MASP1: variants seen among roughly 807,000 people sequenced by gnomAD.
The protein encoded by MASP1 is MBL associated serine protease 1.
A neutral mutation model predicts 77.1 loss-of-function variants in MASP1; 59 were observed. The observed-to-expected ratio is 0.77, with a 90% CI of 0.62 to 0.95. MASP1 has a LOEUF of 0.95. Ranked by LOEUF, MASP1 falls within the 40% of genes least tolerant of loss-of-function variation. The pLI is 0.00. For synonymous variants in MASP1, 362 were observed against 354.5 expected (o/e 1.02, Z -0.24); for missense variants, 885 against 912.9 (o/e 0.97, Z 0.39).
At chr3:187,270,342 T>C (rs886376999) in intron 2 of MASP1, among the ~76,000 whole-genome samples, 2 of 152,192 alleles carry the variant, frequency 1.3e-5, no homozygotes, top group African/African-American at 4.8e-5. Flanking sequence ...GCCCCATCCC[T>C]GAAATCTTTT....
At chr3:187,272,336 C>T (rs1490993129) in intron 2 of MASP1, among the ~76,000 whole-genome samples, 1 of 152,086 alleles carries the variant, frequency 6.6e-6, no homozygotes, top group Non-Finnish European at 1.5e-5. Context: ...CTTATTGGGG[C>T]ATCTCATTTT....
chr3:187,232,638 G>A (rs541925059), downstream of MASP1, among the ~76,000 whole-genome samples: 4 of 152,248 alleles, frequency 2.6e-5, no homozygotes, highest in South Asian at 8.3e-4. Context: ...AAATCCCTAG[G>A]AGAAGGAGAG....
downstream of MASP1, chr3:187,234,040 G>A (rs72549172): frequency 3.1e-5 from 37 of 1,183,574 alleles, no homozygotes; most frequent in East Asian, 5.8e-4. Flanking sequence ...TAAAACAAAT[G>A]AACACACTTC....
At chr3:187,242,710 C>G (rs1713757048) in intron 9 of MASP1, 1 of 153,740 alleles carries the variant, frequency 6.5e-6, no homozygotes, top group Admixed American at 6.5e-5. Context: ...TGTCTCTAAG[C>G]ATTTCTCCTC....
At position 187,251,741 on chromosome 3, in the gene MASP1, G is replaced by A. The variant is rs147568338; in HGVS notation, c.904C>T (p.Pro302Ser). 96 of 1,613,716 alleles carry A rather than the reference G, an allele frequency of 5.9e-5. No homozygotes were observed. The highest frequency in any genetic ancestry group is 7.4e-5 in the Non-Finnish European group (87 of 1,179,750). ...CCATGGACAGGAGGCTGTAGCTCTG[G>A]GCACTCATTTCCTGGTGAGGAGCAA... ...LSYRAAGNEC[P>S]ELQPPVHGKI... Residue 302 changes from proline (P) to serine (S), a missense_variant, in exon 7 of 11, where the codon CCA becomes TCA. Physicochemically the swap from Pro to Ser is moderately conservative, Grantham distance 74. Coordinates refer to ENST00000296280, the MANE Select transcript of MASP1 (RefSeq NM_139125.4).
At chr3:187,234,012 A>T (rs1229013295), downstream of MASP1, 1 of 1,123,816 alleles carries the variant, frequency 8.9e-7, no homozygotes, top group Non-Finnish European at 1.1e-6. Flanking sequence ...GAGGAGACCA[A>T]TTTCTTTTCA....
At chr3:187,255,596 G>A (rs2108549509) in intron 5 of MASP1, among the ~76,000 whole-genome samples, 1 of 152,280 alleles carries the variant, frequency 6.6e-6, no homozygotes, top group East Asian at 1.9e-4. Context: ...GAAAACCGGT[G>A]GCCTATGCTT....
chr3:187,257,760 G>A (rs1579530472), intron 4 of MASP1, among the ~76,000 whole-genome samples: 1 of 152,260 alleles, frequency 6.6e-6, no homozygotes, highest in Non-Finnish European at 1.5e-5. Flanking sequence ...TTTTTAAGTA[G>A]ACTGTAATCT....
At chr3:187,286,472 C>T (rs950303290) in intron 1 of MASP1, among the ~76,000 whole-genome samples, 1 of 152,186 alleles carries the variant, frequency 6.6e-6, no homozygotes, top group Admixed American at 6.5e-5. Flanking sequence ...TTGATGGAAT[C>T]TGTAGTACCT....
At chr3:187,253,052 G>C in intron 6 of MASP1, 116 bp downstream of exon 6, 1 of 1,354,698 alleles carries the variant, frequency 7.4e-7, no homozygotes, top group Non-Finnish European at 1.1e-6. Context: ...CTGCTCAACT[G>C]GGAGTCCCAT....
intron 8 of MASP1, chr3:187,246,791 AC>A (rs1293626742): frequency 1.0e-6 from 1 of 978,718 alleles, no homozygotes; most frequent in Non-Finnish European, 1.2e-6. Context: ...TAGAAGGGAT[AC>A]TTTTGTGAAT....
In MASP1 at chr3:187,234,095, CG is replaced by C; in HGVS notation, c.*1588del. 1 of 1,273,946 alleles carries C rather than the reference CG, an allele frequency of 7.8e-7. No homozygotes were observed. The highest frequency in any genetic ancestry group is 1.0e-6 in the Non-Finnish European group (1 of 980,110). The allele number at this position is 1,273,946 out of a possible 1,614,324, so 78.9% of individuals were successfully genotyped here. ...ATAAGCCAAGGCTGTTGGTTATCCA[CG>C]AGGGTTTATTTCCACTTGAGACCCC... On this transcript the variant is annotated 3_prime_UTR_variant, in exon 11 of 11. Transcript: ENST00000296280.
At chr3:187,239,246 G>A (rs1052202367) in intron 10 of MASP1, among the ~76,000 whole-genome samples, 5 of 151,204 alleles carry the variant, frequency 3.3e-5, no homozygotes, top group African/African-American at 9.7e-5. Flanking sequence ...CCAACTACTC[G>A]AGAGGCTGAG....
Position 187,223,009 on chromosome 3 carries a change from G to T in MASP1, c.1809+118C>A, listed in dbSNP as rs2287366. 59,709 of 870,886 alleles carry T rather than the reference G, an allele frequency of 0.069. 3,813 individuals are homozygous for T. The highest frequency in any genetic ancestry group is 0.24 in the East Asian group (9,631 of 40,484). 53.9% of individuals were successfully genotyped at this position (870,886 alleles called of 1,614,324 possible). On this transcript the variant is annotated intron_variant, in intron 14 of 15. Transcript: ENST00000337774. ...CTTTGGAGGTGGGTCTGGGCTCCTA[G>T]TTTCCCACTCACCAACCCCCACCCA...
intron 10 of MASP1, 120 bp downstream of exon 10, chr3:187,241,360 TA>T: frequency 1.2e-6 from 1 of 819,460 alleles, no homozygotes; most frequent in Non-Finnish European, 2.1e-6. Context: ...AGACATCTCT[TA>T]AAAAGCAACC....
Position 187,236,110 on chromosome 3 carries a change from C to T in MASP1, c.1761G>A (p.Leu587=). The T allele has an allele frequency of 6.2e-7, 1 of 1,614,004 alleles. No homozygotes were observed. The highest frequency in any genetic ancestry group is 8.5e-7 in the Non-Finnish European group (1 of 1,180,050). Residue 587 remains leucine (L), a synonymous_variant, in exon 11 of 11, where the codon CTG becomes CTA. Coordinates refer to ENST00000296280, the MANE Select transcript of MASP1 (RefSeq NM_139125.4). ...AGATGCCCCAGCCGGCCACCAGGCC[C>T]AGCATGTGGGGGGCCGGGCCTTCAG... The part of the protein sequence containing the change: ...LEPEGPAPHM[L]GLVAGWGISN...
Position 187,247,709 on chromosome 3 carries a change from C to T in MASP1, c.1090+2542G>A, listed in dbSNP as rs976156479. On this transcript the variant is annotated intron_variant, in intron 8 of 10. Transcript: ENST00000296280. ...TCACTTGACAGCATTTAGAGTAGAA[C>T]AGGGCTTGTCCCGGGGTCACCACAG... 2.6e-5 allele frequency among the ~76,000 whole-genome samples: 4 copies of T among 152,294 alleles called. No individual in the cohort carries two copies. In the East Asian group the frequency reaches 5.8e-4, roughly 22 times the overall value.
At chr3:187,232,226 T>TCC (rs113770534), downstream of MASP1, among the ~76,000 whole-genome samples, 2 of 148,762 alleles carry the variant, frequency 1.3e-5, no homozygotes, top group African/African-American at 5.1e-5. Context: ...TCTGATCCCT[T>TCC]CCCCCCCCCC....
intron 2 of MASP1, among the ~76,000 whole-genome samples, chr3:187,273,604 C>T (rs966843857): frequency 6.6e-6 from 1 of 152,200 alleles, no homozygotes; most frequent in African/African-American, 2.4e-5. Flanking sequence ...ACGGAAAGTC[C>T]ATCACTCCCA....
Sources: allele counts gnomAD v4.1 joint callset (sites outside exome capture counted in the v4.1 genomes callset), GRCh38; gene constraint gnomAD v4.1.1; transcripts MANE v1.5; gene names NCBI Gene and HGNC (gene_info 2026-07-23, HGNC 2026-07-21).